Variants in DTWD2 observed in about 807,000 individuals in gnomAD.
DTWD2 encodes the protein DTW motif tRNA-uridine aminocarboxypropyltransferase 2.
Under a neutral mutation model 31.8 loss-of-function variants are expected in DTWD2, and 39 were observed. The observed-to-expected ratio is 1.22, with a 90% CI of 0.95 to 1.60. The LOEUF (loss-of-function observed/expected upper bound fraction) is 1.60, where lower values mean the gene tolerates loss of function less well. DTWD2 is among the 40% of genes most tolerant of loss of function. The pLI, the probability that DTWD2 is intolerant of heterozygous loss-of-function variation, is 0.00. For synonymous variants in DTWD2, 180 were observed against 142.8 expected, an observed-to-expected ratio of 1.26 and a Z score of -1.86; for missense variants, 515 against 381.5, an observed-to-expected ratio of 1.35 and a Z score of -2.92.
At chr5:118,890,562 CTTTTTTTTTTTTTT>C (rs973397760) in intron 4 of DTWD2, among the ~76,000 whole-genome samples, 3 of 71,252 alleles carry the variant, frequency 4.2e-5, no homozygotes, top group African/African-American at 1.8e-4. Flanking sequence ...TTAGGTTTTC[CTTTTTTTTTTTTTT>C]TTTTTTTTTT....
intron 1 of DTWD2, among the ~76,000 whole-genome samples, chr5:118,956,592 T>G (rs951057450): frequency 6.6e-6 from 1 of 152,222 alleles, no homozygotes; most frequent in African/African-American, 2.4e-5. Flanking sequence ...TTAATTAAAT[T>G]TCTTATATAA....
chr5:118,864,935 G>A (rs559261397), intron 4 of DTWD2, among the ~76,000 whole-genome samples: 3 of 151,990 alleles, frequency 2.0e-5, no homozygotes, highest in Non-Finnish European at 4.4e-5. Flanking sequence ...CAGAATAGCA[G>A]CCCTCCCTCC....
Position 118,877,447 on chromosome 5 carries a change from G to A in DTWD2, c.598-29229C>T, listed in dbSNP as rs755565336. Among the ~76,000 whole-genome samples, 17 of 151,942 alleles carry A rather than the reference G, an allele frequency of 1.1e-4. 1 individual carries two copies. Among genetic ancestry groups the A allele is most frequent in the South Asian group, 2.1e-4 (1 of 4,790 alleles). The stretch of plus-strand genomic sequence containing the variant: ...AGATCACACCACTGCACTCCAGCCC[G>A]GGTGACAGAGCAAGACTCCGTCTCA... On this transcript the variant is annotated intron_variant, in intron 4 of 5. Coordinates refer to ENST00000510708, the MANE Select transcript of DTWD2 (RefSeq NM_173666.4).
At chr5:118,985,447 T>C (rs1755401035) in intron 1 of DTWD2, among the ~76,000 whole-genome samples, 1 of 140,532 alleles carries the variant, frequency 7.1e-6, no homozygotes, top group Non-Finnish European at 1.5e-5. Flanking sequence ...AAGCTGATAG[T>C]ATAGAATTCA....
At chr5:118,950,367 T>C (rs1200852827) in intron 1 of DTWD2, among the ~76,000 whole-genome samples, 2 of 151,872 alleles carry the variant, frequency 1.3e-5, no homozygotes, top group East Asian at 1.9e-4. Context: ...GAGTGGGTAG[T>C]CTCTGTATTG....
chr5:118,955,300 T>C (rs1447777074), intron 1 of DTWD2, among the ~76,000 whole-genome samples: 2 of 152,204 alleles, frequency 1.3e-5, no homozygotes, highest in Non-Finnish European at 2.9e-5. Flanking sequence ...CAAGTTACTT[T>C]ATAGGACGCA....
chr5:118,887,612 G>C (rs1752894932), intron 4 of DTWD2, among the ~76,000 whole-genome samples: 1 of 152,096 alleles, frequency 6.6e-6, no homozygotes, highest in Admixed American at 6.5e-5. Flanking sequence ...GTTTTTGTTT[G>C]GTTGGCTGGC....
At chr5:118,936,845 CAG>C (rs1274780237) in intron 3 of DTWD2, among the ~76,000 whole-genome samples, 1 of 151,684 alleles carries the variant, frequency 6.6e-6, no homozygotes, top group African/African-American at 2.4e-5. Flanking sequence ...TCGACCAAAA[CAG>C]ACTAAGAAAA....
rs1751575879 is a variant in DTWD2 at position 118,836,648 on chromosome 5, C to T, written c.*4269G>A. Among the ~76,000 whole-genome samples the T allele has an allele frequency of 6.6e-6, 1 of 152,228 alleles. No homozygotes were observed. The highest frequency in any genetic ancestry group is 1.9e-4 in the East Asian group (1 of 5,204). ...AATATTTGTGTCCCCACAAAACTCA[C>T]AGGTTGAAACCTTAATTCCCGAGGT... On this transcript the variant is annotated 3_prime_UTR_variant, in exon 6 of 6. Coordinates refer to ENST00000510708, the MANE Select transcript of DTWD2 (RefSeq NM_173666.4).
intron 1 of DTWD2, among the ~76,000 whole-genome samples, chr5:118,979,299 A>G (rs1312083443): frequency 3.2e-4 from 49 of 152,156 alleles, no homozygotes; most frequent in Non-Finnish European, 4.4e-5. Context: ...GCAAGAGTCC[A>G]TCCCCAAAAA....
At chr5:118,942,314 G>A (rs1017594153) in intron 2 of DTWD2, among the ~76,000 whole-genome samples, 1 of 152,124 alleles carries the variant, frequency 6.6e-6, no homozygotes, top group African/African-American at 2.4e-5. Flanking sequence ...TTTGAGACCT[G>A]CCTGGGCAAT....
At chr5:118,957,065 C>A (rs1471724806) in intron 1 of DTWD2, among the ~76,000 whole-genome samples, 4 of 152,250 alleles carry the variant, frequency 2.6e-5, no homozygotes, top group African/African-American at 9.6e-5. Flanking sequence ...ACATTTTCAT[C>A]TCCAAAACAG....
chr5:118,842,190 T>TA lies in DTWD2; in HGVS notation c.727-1104dup, dbSNP rs1208762599. Among the ~76,000 whole-genome samples the TA allele has an allele frequency of 5.3e-5, 8 of 152,318 alleles. No homozygotes were observed. The East Asian group carries it at 1.5e-3, about 29-fold the overall frequency. ...TAAATTTATTTATTGTGATAGTCAC[T>TA]AGTAGTTGCTTCTTCGTATTATTTT... On this transcript the variant is annotated intron_variant, in intron 5 of 5. Coordinates refer to ENST00000510708, the MANE Select transcript of DTWD2 (RefSeq NM_173666.4).
intron 3 of DTWD2, among the ~76,000 whole-genome samples, chr5:118,936,354 C>G (rs909072376): frequency 6.6e-6 from 1 of 151,944 alleles, no homozygotes; most frequent in Non-Finnish European, 1.5e-5. Flanking sequence ...GCCTGGGCAA[C>G]ATAGCGAGAC....
chr5:118,978,050 A>G (rs946942920), intron 1 of DTWD2, among the ~76,000 whole-genome samples: 10 of 152,130 alleles, frequency 6.6e-5, no homozygotes, highest in Non-Finnish European at 1.5e-5. Flanking sequence ...ACAAGACTAC[A>G]CACCTACAAC....
chr5:118,889,980 G>A (rs1752944109), intron 4 of DTWD2, among the ~76,000 whole-genome samples: 1 of 152,022 alleles, frequency 6.6e-6, no homozygotes, highest in African/African-American at 2.4e-5. Context: ...ATTGAAGTGG[G>A]TAAGTCCATT....
intron 4 of DTWD2, among the ~76,000 whole-genome samples, chr5:118,889,405 C>T (rs1461481905): frequency 6.6e-6 from 1 of 151,944 alleles, no homozygotes; most frequent in Non-Finnish European, 1.5e-5. Flanking sequence ...ACATGAAATT[C>T]GAGACAGCTA....
At chr5:118,979,059 C>T (rs1441083631) in intron 1 of DTWD2, among the ~76,000 whole-genome samples, 3 of 152,170 alleles carry the variant, frequency 2.0e-5, no homozygotes, top group South Asian at 2.1e-4. Context: ...AATCCCAGCA[C>T]TTTGGGAGGC....
intron 4 of DTWD2, among the ~76,000 whole-genome samples, chr5:118,864,895 A>G (rs1004342132): frequency 1.3e-5 from 2 of 152,180 alleles, no homozygotes; most frequent in East Asian, 3.8e-4. Flanking sequence ...CTAGGCTGCC[A>G]AAGCCATATT....
Sources: allele counts gnomAD v4.1 joint callset (sites outside exome capture counted in the v4.1 genomes callset), GRCh38; gene constraint gnomAD v4.1.1; transcripts MANE v1.5; gene names NCBI Gene and HGNC (gene_info 2026-07-23, HGNC 2026-07-21).